TNNT2: variants seen among roughly 807,000 people sequenced by gnomAD.
TNNT2 encodes the protein troponin T, cardiac muscle.
A neutral mutation model predicts 62.4 loss-of-function variants in TNNT2; 34 were observed. That is an observed-to-expected ratio of 0.54 (90% CI 0.41 to 0.72). The LOEUF (loss-of-function observed/expected upper bound fraction) is 0.72, where lower values mean the gene tolerates loss of function less well. Among genes scored for constraint, TNNT2 ranks in the 30% least tolerant of loss-of-function variants. The pLI, the probability that TNNT2 is intolerant of heterozygous loss-of-function variation, is 0.00. For missense variants in TNNT2, 275 were observed against 381.9 expected, an observed-to-expected ratio of 0.72 and a Z score of 2.33; for synonymous variants, 123 against 127.2, an observed-to-expected ratio of 0.97 and a Z score of 0.22.
Position 201,365,454 on chromosome 1 carries a change from C to T in TNNT2, c.295-147G>A, listed in dbSNP as rs1571629233. 18 of 1,192,254 alleles carry T rather than the reference C, an allele frequency of 1.5e-5. No individual in the cohort carries two copies. The East Asian group carries it at 4.2e-4, about 28-fold the overall frequency. The allele number at this position is 1,192,254 out of a possible 1,614,324, so 73.9% of individuals were successfully genotyped here. A position where few individuals can be genotyped will look rare whatever the true frequency, so the allele number is the denominator to read the frequency against. On this transcript the variant is annotated intron_variant, in intron 9 of 16. Transcript: ENST00000656932. ...GGGAAGGGGTAACTGTGGCCTGAAC[C>T]CAGGACCACGCTCATGGATGGGCAC...
intron 1 of TNNT2, among the ~76,000 whole-genome samples, chr1:201,376,225 A>G (rs959815890): frequency 6.6e-6 from 1 of 152,188 alleles, no homozygotes; most frequent in African/African-American, 2.4e-5. Flanking sequence ...TGGGGAGTAA[A>G]GCAAAGACAA....
intron 13 of TNNT2, 146 bp downstream of exon 13, chr1:201,362,240 A>G: frequency 1.4e-6 from 2 of 1,402,308 alleles, no homozygotes; most frequent in Non-Finnish European, 2.0e-6. Flanking sequence ...TCTTTGCCTA[A>G]CTAATCTCTT....
chr1:201,367,856 C>G (rs3729843), intron 6 of TNNT2, 50 bp from the exon 7 acceptor site: 2 of 1,607,178 alleles, frequency 1.2e-6, no homozygotes, highest in Admixed American at 1.7e-5. Flanking sequence ...GAGCTCAAGT[C>G]CCCCCCTCCG....
intron 7 of TNNT2, 111 bp from the exon 8 acceptor site, chr1:201,366,982 T>C: frequency 6.3e-7 from 1 of 1,578,882 alleles, no homozygotes; most frequent in Non-Finnish European, 8.7e-7. Flanking sequence ...ATCTGCACAG[T>C]GAGTCCCTCC....
chr1:201,365,400 G>A, intron 9 of TNNT2, 93 bp from the exon 10 acceptor site: 2 of 1,295,166 alleles, frequency 1.5e-6, no homozygotes, highest in Non-Finnish European at 2.2e-6. Context: ...CAGTGCAAAA[G>A]ACCTCTGGCA....
intron 2 of TNNT2, 42 bp downstream of exon 2, chr1:201,373,172 C>G: frequency 6.2e-7 from 1 of 1,603,626 alleles, no homozygotes; most frequent in Non-Finnish European, 8.5e-7. Flanking sequence ...AGGGCAGCGG[C>G]GGGAGAGGAC....
chr1:201,368,162 C>A lies in TNNT2; in HGVS notation c.163G>T (p.Glu55Ter), dbSNP rs730881120. 3 of 1,614,128 alleles carry A rather than the reference C, an allele frequency of 1.9e-6. No individual in the cohort carries two copies. Among genetic ancestry groups the A allele is most frequent in the Non-Finnish European group, 2.5e-6 (3 of 1,180,002 alleles). ...EAETEETRAEEDEEEEEAKEA... is the reference protein window; with the variant it reads ...EAETEETRAE Reference sequence around the variant, plus strand: ...CCTGCACCCTCAACCAGAGACTTACCTTCTGCCCTGGTCTCCTCGGTCTCA... The same window carrying A: ...CCTGCACCCTCAACCAGAGACTTACATTCTGCCCTGGTCTCCTCGGTCTCA... Residue 55 changes from glutamate to a stop codon, truncating the protein, a stop_gained and splice_region_variant, in exon 6 of 17, where the codon GAA becomes TAA. Transcript: ENST00000656932. LOFTEE classifies it high-confidence loss of function.
intron 2 of TNNT2, among the ~76,000 whole-genome samples, chr1:201,372,678 G>A (rs1660825429): frequency 6.6e-6 from 1 of 152,238 alleles, no homozygotes; most frequent in African/African-American, 2.4e-5. Context: ...TGTGAGGGCA[G>A]TAGCCGTGCC....
At chr1:201,362,105 A>T in intron 13 of TNNT2, 83 bp from the exon 14 acceptor site, 1 of 1,471,298 alleles carries the variant, frequency 6.8e-7, no homozygotes, top group South Asian at 1.1e-5. Context: ...CTGGGGGTGG[A>T]GCAAGGCCTG....
intron 13 of TNNT2, 39 bp from the exon 14 acceptor site, chr1:201,362,061 C>A: frequency 6.2e-7 from 1 of 1,604,198 alleles, no homozygotes; most frequent in Non-Finnish European, 8.5e-7. Flanking sequence ...GGCCAGATTG[C>A]CCCCTCCCTG....
In TNNT2 at chr1:201,359,580, G is replaced by A. The variant is rs45570832; in HGVS notation, c.851+43C>T. 3,068 of 1,572,922 alleles carry A rather than the reference G, an allele frequency of 2.0e-3. 44 individuals carry two copies. The African/African-American group carries it at 0.034, about 18-fold the overall frequency. On this transcript the variant is annotated intron_variant, in intron 16 of 16. Transcript: ENST00000656932. ...GGATAGCTGGAAGGTAGGGAAGGAG[G>A]GGGCAGGGGGAGGGCTAGGCGAGAA...
At chr1:201,367,939 C>T in intron 6 of TNNT2, 133 bp from the exon 7 acceptor site, 1 of 1,126,256 alleles carries the variant, frequency 8.9e-7, no homozygotes, top group Non-Finnish European at 1.4e-6. Flanking sequence ...GGTTACAGAG[C>T]TGTCTCTCAC....
At position 201,370,122 on chromosome 1, in the gene TNNT2, C is replaced by T. The variant is rs148744224; in HGVS notation, c.68-277G>A. Among the ~76,000 whole-genome samples, 47 of 152,332 alleles carry T rather than the reference C, an allele frequency of 3.1e-4. No individual in the cohort carries two copies. In the East Asian group the frequency reaches 7.9e-3, roughly 26 times the overall value. ...ACTGAATGACCTAGCGTGCATAGAG[C>T]GCCCAGCAGGTGCCTGGCACAAGAG... On this transcript the variant is annotated intron_variant, in intron 4 of 16. Transcript: ENST00000656932.
chr1:201,367,382 C>T (rs1167950687), intron 7 of TNNT2: 12 of 405,480 alleles, frequency 3.0e-5, no homozygotes, highest in South Asian at 1.2e-4. Context: ...TGCAGCATGA[C>T]GATGACTGCA....
chr1:201,366,456 A>C, intron 8 of TNNT2: 1 of 1,136,498 alleles, frequency 8.8e-7, no homozygotes, highest in Non-Finnish European at 1.1e-6. Flanking sequence ...CGCCATGCCT[A>C]TGCTGGCACG....
intron 8 of TNNT2, chr1:201,366,320 G>T (rs973712928): frequency 2.0e-6 from 2 of 1,024,294 alleles, no homozygotes; most frequent in South Asian, 3.9e-5. Flanking sequence ...ACCTCTGCTG[G>T]CAGGGTTGGC....
At chr1:201,363,980 G>A (rs1659197821) in intron 11 of TNNT2, 3 of 394,440 alleles carry the variant, frequency 7.6e-6, no homozygotes, top group Non-Finnish European at 1.4e-5. Flanking sequence ...CTTGCCTCCT[G>A]GGTTCAAGCG....
chr1:201,369,754 A>C, intron 5 of TNNT2, 62 bp downstream of exon 5: 6 of 1,608,538 alleles, frequency 3.7e-6, no homozygotes, highest in Non-Finnish European at 5.1e-6. Flanking sequence ...GCCCCTGGAC[A>C]AGGAGGCTGC....
At chr1:201,370,041 A>G (rs1470055776) in intron 4 of TNNT2, among the ~76,000 whole-genome samples, 196 bp from the exon 5 acceptor site, 1 of 152,012 alleles carries the variant, frequency 6.6e-6, no homozygotes, top group Non-Finnish European at 1.5e-5. Flanking sequence ...CCTGAGCCTC[A>G]GGTGCCTCAT....
Sources: allele counts gnomAD v4.1 joint callset (sites outside exome capture counted in the v4.1 genomes callset), GRCh38; gene constraint gnomAD v4.1.1; transcripts MANE v1.5; gene names NCBI Gene and HGNC (gene_info 2026-07-23, HGNC 2026-07-21).